MAN2C1: variants seen among roughly 807,000 people sequenced by gnomAD.
MAN2C1 encodes alpha-mannosidase 2C1.
Under a neutral mutation model 126.9 loss-of-function variants are expected in MAN2C1, and 111 were observed. The observed-to-expected ratio is 0.87, with a 90% CI of 0.75 to 1.02. The LOEUF is 1.02. Among genes scored for constraint, MAN2C1 ranks in the 50% least tolerant of loss-of-function variants. The pLI is 0.00. For synonymous variants in MAN2C1, 567 were observed against 561.5 expected (o/e 1.01, Z -0.14); for missense variants, 1,363 against 1,364.4 (o/e 1.00, Z 0.02).
rs1331579430 is a variant in MAN2C1 at position 75,356,479 on chromosome 15, G to A, written c.2738-30C>T. On this transcript the variant is annotated intron_variant, in intron 23 of 25. Transcript: ENST00000267978. This position sits in a 1 kb window ranked among gnomAD's most constrained non-coding sequence, Gnocchi z 5.8. ...GGTACGACCAGGAAACAATGCTGGTGGAGAATGGGGGCTACCCTCCCCTGT... is the reference window on the plus strand; with the variant it reads ...GGTACGACCAGGAAACAATGCTGGTAGAGAATGGGGGCTACCCTCCCCTGT... 4 of 1,576,462 alleles carry A rather than the reference G, an allele frequency of 2.5e-6. No individual in the cohort carries two copies. Among genetic ancestry groups the A allele is most frequent in the African/African-American group, 1.3e-5 (1 of 74,576 alleles).
In MAN2C1 at chr15:75,362,068, C is replaced by A; in HGVS notation, c.1009-121G>T. ...GCTGCTCAAACATGGGAGTTACAGC[C>A]AGAACTCAGGAAGGGCCCCTGTCCT... On this transcript the variant is annotated intron_variant, in intron 8 of 25. Coordinates refer to ENST00000267978, the MANE Select transcript of MAN2C1 (RefSeq NM_006715.4). The surrounding 1 kb of genome is among the most constrained non-coding windows in gnomAD (Gnocchi z 4.5). The A allele has an allele frequency of 1.3e-6, 1 of 798,048 alleles. No individual in the cohort carries two copies. Among genetic ancestry groups the A allele is most frequent in the East Asian group, 2.5e-5 (1 of 39,952 alleles). The allele number at this position is 798,048 out of a possible 1,614,324, so 49.4% of individuals were successfully genotyped here.
Position 75,363,990 on chromosome 15 carries a change from C to G in MAN2C1, c.790+9G>C. On this transcript the variant is annotated intron_variant, in intron 6 of 25. Transcript: ENST00000267978. ...CTTCCCCAGCCAGCCCAACCAGCTGCTGTCCTACCTGTATCAATGTGGCAG... is the reference window on the plus strand; with the variant it reads ...CTTCCCCAGCCAGCCCAACCAGCTGGTGTCCTACCTGTATCAATGTGGCAG... 1 of 1,612,776 alleles carries G rather than the reference C, an allele frequency of 6.2e-7. No individual in the cohort carries two copies. Among genetic ancestry groups the G allele is most frequent in the Non-Finnish European group, 8.5e-7 (1 of 1,179,572 alleles).
chr15:75,359,123 T>C lies in MAN2C1; in HGVS notation c.2077A>G (p.Ile693Val). 6.8e-6 allele frequency: 11 copies of C among 1,614,014 alleles called. No homozygotes were observed. Among genetic ancestry groups the C allele is most frequent in the Non-Finnish European group, 9.3e-6 (11 of 1,180,018 alleles). The change falls in exon 18 of 26, where the codon ATC becomes GTC. Residue 693 changes from isoleucine to valine, a missense_variant. Ile to Val is a conservative substitution (Grantham distance 29, BLOSUM62 3). Coordinates refer to ENST00000267978, the MANE Select transcript of MAN2C1 (RefSeq NM_006715.4). Reference sequence around the variant, plus strand: ...GTTGGGTCCAGCTTCACTCGGATGATGCCATTGTCCAGAGTCACGGAGCCA... The same window carrying C: ...GTTGGGTCCAGCTTCACTCGGATGACGCCATTGTCCAGAGTCACGGAGCCA... ...TDGSVTLDNG[I>V]IRVKLDPTGR...
At chr15:75,360,714 C>T (rs1595876711) in intron 12 of MAN2C1, 26 bp from the exon 13 acceptor site, 32 of 1,610,794 alleles carry the variant, frequency 2.0e-5, no homozygotes, top group Non-Finnish European at 2.6e-5. Context: ...GCCTAGGTCT[C>T]CCAGCCTTGG....
In MAN2C1 at chr15:75,361,619, C is replaced by T; in HGVS notation, c.1203G>A (p.Leu401=). ...GCCTGCTTACTGGGAAGGAGTTCAC[C>T]AAATTCCAGCTCAATTTCTGGGTGA... ...RFLTQKLSWN[L]VNSFPHHTFF... is the part of the protein sequence containing the mutation. The change falls in exon 10 of 26, where the codon TTG becomes TTA. Residue 401 remains leucine, a synonymous_variant. Coordinates refer to ENST00000267978, the MANE Select transcript of MAN2C1 (RefSeq NM_006715.4). This position sits in a 1 kb window ranked among gnomAD's most constrained non-coding sequence, Gnocchi z 5.0. 1 of 1,613,836 alleles carries T rather than the reference C, an allele frequency of 6.2e-7. No homozygotes were observed. The highest frequency in any genetic ancestry group is 8.5e-7 in the Non-Finnish European group (1 of 1,179,888).
chr15:75,363,934 G>T, intron 6 of MAN2C1, 65 bp downstream of exon 6: 1 of 1,558,164 alleles, frequency 6.4e-7, no homozygotes, highest in South Asian at 1.1e-5. Context: ...AGTGCTTCTA[G>T]GGCACATCCA....
intron 21 of MAN2C1, among the ~76,000 whole-genome samples, chr15:75,357,529 G>A (rs1314149188): frequency 6.6e-6 from 1 of 151,840 alleles, no homozygotes; most frequent in East Asian, 1.9e-4. Flanking sequence ...TGATGGTCTC[G>A]ATCTCTTGAC....
In MAN2C1 at chr15:75,356,641, C is replaced by T. The variant is rs756198744; in HGVS notation, c.2702G>A (p.Arg901His). 3.0e-5 allele frequency: 47 copies of T among 1,570,778 alleles called. No individual in the cohort carries two copies. The highest frequency in any genetic ancestry group is 2.6e-4 in the East Asian group (11 of 42,600). ...KAPDATADTG[R>H]HEFTYALMPH... is the part of the protein sequence containing the mutation. ...CATCAGTGCATAGGTGAACTCGTGG[C>T]GCCCCGTGTCAGCAGTAGCGTCCGG... The change falls in exon 23 of 26, where the codon CGC becomes CAC. Residue 901 changes from arginine to histidine, a missense_variant. This residue lies in a region of MAN2C1 where 668 missense variants were observed against 650.1 expected (regional missense o/e 1.03). Coordinates refer to ENST00000267978, the MANE Select transcript of MAN2C1 (RefSeq NM_006715.4). The surrounding 1 kb of genome is among the most constrained non-coding windows in gnomAD (Gnocchi z 5.8).
At position 75,358,540 on chromosome 15, in the gene MAN2C1, T is replaced by C; in HGVS notation, c.2325A>G (p.Leu775=). 1 of 1,613,466 alleles carries C rather than the reference T, an allele frequency of 6.2e-7. No individual in the cohort carries two copies. The highest frequency in any genetic ancestry group is 8.5e-7 in the Non-Finnish European group (1 of 1,180,022). Residue 775 remains leucine (L), a synonymous_variant, in exon 20 of 26, where the codon CTA becomes CTG. Transcript: ENST00000267978. ...TAAGCCGACTGTTGGGGCTGATCTG[T>C]AGCAAGAACCAGGCGCTGCCCCGCA... The part of the protein sequence containing the change: ...GGLRGSAWFL[L]QISPNSRLSQ...
rs375023962 is a variant in MAN2C1 at position 75,365,444 on chromosome 15, G to A, written c.423-779C>T. Among the ~76,000 whole-genome samples the A allele has an allele frequency of 5.9e-5, 9 of 152,276 alleles. No individual in the cohort carries two copies. The East Asian group carries it at 1.5e-3, about 26-fold the overall frequency. On this transcript the variant is annotated intron_variant, in intron 4 of 25. Transcript: ENST00000267978. ...ACTAGTAAAAACTATACCGGGATGA[G>A]CCGGGCACGGTGGCTCATTCCTGTA...
Position 75,362,140 on chromosome 15 carries a change from C to T in MAN2C1, c.1009-193G>A. 1.5e-6 allele frequency: 1 copy of T among 659,466 alleles called. No homozygotes were observed. The highest frequency in any genetic ancestry group is 1.8e-5 in the South Asian group (1 of 55,158). 40.9% of individuals were successfully genotyped at this position (659,466 alleles called of 1,614,324 possible). A position where few individuals can be genotyped will look rare whatever the true frequency, so the allele number is the denominator to read the frequency against. On this transcript the variant is annotated intron_variant, in intron 8 of 25. Coordinates refer to ENST00000267978, the MANE Select transcript of MAN2C1 (RefSeq NM_006715.4). This position sits in a 1 kb window ranked among gnomAD's most constrained non-coding sequence, Gnocchi z 4.5. Reference sequence around the variant, plus strand: ...CCTGAGGGGGTGCCCAGGACTAGGCCATGCAACTTGTCACAGCGCTGGAGG... The same window carrying T: ...CCTGAGGGGGTGCCCAGGACTAGGCTATGCAACTTGTCACAGCGCTGGAGG...
At position 75,356,207 on chromosome 15, in the gene MAN2C1, G is replaced by T; in HGVS notation, c.2899C>A (p.Pro967Thr). 1.2e-6 allele frequency: 2 copies of T among 1,613,278 alleles called. No individual in the cohort carries two copies. Among genetic ancestry groups the T allele is most frequent in the South Asian group, 2.2e-5 (2 of 91,054 alleles). ...LETVKQAESS[P>T]QRRSLVLRLY... is the part of the protein sequence containing the mutation. Reference sequence around the variant, plus strand: ...CTCAGGACCAGCGAGCGGCGCTGGGGGCTGCTCTCCGCCTGCAGAGGAACA... The same window carrying T: ...CTCAGGACCAGCGAGCGGCGCTGGGTGCTGCTCTCCGCCTGCAGAGGAACA... Residue 967 changes from proline (P) to threonine (T), a missense_variant, in exon 25 of 26, where the codon CCC (proline) becomes ACC (threonine). Physicochemically the swap from Pro to Thr is conservative, Grantham distance 38. This residue lies in a region of MAN2C1 where 668 missense variants were observed against 650.1 expected (regional missense o/e 1.03). Transcript: ENST00000267978. This position sits in a 1 kb window ranked among gnomAD's most constrained non-coding sequence, Gnocchi z 5.8.
Position 75,359,904 on chromosome 15 carries a change from T to C in MAN2C1, c.1791A>G (p.Glu597=). The change falls in exon 15 of 26, where the codon GAA becomes GAG. Residue 597 remains glutamate (E), a splice_region_variant and synonymous_variant. Coordinates refer to ENST00000267978, the MANE Select transcript of MAN2C1 (RefSeq NM_006715.4). ...MVAEEAMCHY[E]DIRSHGNTLL... ...AGGCAGGACTATTGTGAGCCTAACC[T>C]TCATAATGGCACATGGCTTCCTCTG... is the stretch of plus-strand genomic sequence containing the variant. 6.2e-7 allele frequency: 1 copy of C among 1,612,304 alleles called. No homozygotes were observed.
In MAN2C1 at chr15:75,368,126, C is replaced by T; in HGVS notation, c.174G>A (p.Glu58=). 3 of 1,606,778 alleles carry T rather than the reference C, an allele frequency of 1.9e-6. No individual in the cohort carries two copies. The highest frequency in any genetic ancestry group is 1.7e-5 in the Admixed American group (1 of 59,390). The change falls in exon 2 of 26, where the codon GAG becomes GAA. Residue 58 remains glutamate, a synonymous_variant. Coordinates refer to ENST00000267978, the MANE Select transcript of MAN2C1 (RefSeq NM_006715.4). ...CGGGGCGGAAGTCCCGCTGGACTGC[C>T]TCCTGGTAGGGAAGTCTCTCCGGCG... ...FLTPERLPYQ[E]AVQRDFRPAQ...
In MAN2C1 at chr15:75,361,334, GACCAGTACA is replaced by G; in HGVS notation, c.1257_1265del (p.Val420_Val422del). The G allele has an allele frequency of 6.4e-7, 1 of 1,568,314 alleles. No homozygotes were observed. Among genetic ancestry groups the G allele is most frequent in the East Asian group, 2.3e-5 (1 of 42,696 alleles). On this transcript the variant is annotated inframe_deletion, in exon 11 of 26. Coordinates refer to ENST00000267978, the MANE Select transcript of MAN2C1 (RefSeq NM_006715.4). This position sits in a 1 kb window ranked among gnomAD's most constrained non-coding sequence, Gnocchi z 5.0. ...CATAGGAGTCGCCAGGTGGGAAGTG[GACCAGTACA>G]CGGGAGCCATCCAGGCCCTCCCAGA...
In MAN2C1 at chr15:75,363,996, T is replaced by A; in HGVS notation, c.790+3A>T. The A allele has an allele frequency of 6.2e-7, 1 of 1,613,982 alleles. No individual in the cohort carries two copies. The highest frequency in any genetic ancestry group is 8.5e-7 in the Non-Finnish European group (1 of 1,179,952). On this transcript the variant is annotated splice_donor_region_variant and intron_variant, in intron 6 of 25. Coordinates refer to ENST00000267978, the MANE Select transcript of MAN2C1 (RefSeq NM_006715.4). Reference sequence around the variant, plus strand: ...CAGCCAGCCCAACCAGCTGCTGTCCTACCTGTATCAATGTGGCAGTGCCCT... The same window carrying A: ...CAGCCAGCCCAACCAGCTGCTGTCCAACCTGTATCAATGTGGCAGTGCCCT...
Position 75,359,158 on chromosome 15 carries a change from G to C in MAN2C1, c.2047-5C>G, listed in dbSNP as rs769994039. On this transcript the variant is annotated splice_polypyrimidine_tract_variant and splice_region_variant and intron_variant, in intron 17 of 25. Transcript: ENST00000267978. ...CAGAGTCACGGAGCCATCAGTCTTT[G>C]TGGGAGGAGGCCTTGAGGCTGAGTC... is the stretch of plus-strand genomic sequence containing the variant. 6.2e-7 allele frequency: 1 copy of C among 1,613,750 alleles called. No individual in the cohort carries two copies.
In MAN2C1 at chr15:75,361,295, G is replaced by A. The variant is rs375746321; in HGVS notation, c.1305C>T (p.Ser435=). 6.4e-6 allele frequency: 10 copies of A among 1,570,574 alleles called. No homozygotes were observed. The highest frequency in any genetic ancestry group is 1.7e-4 in the Middle Eastern group (1 of 6,046). Residue 435 remains serine (S), a synonymous_variant, in exon 11 of 26, where the codon AGC becomes AGT. Transcript: ENST00000267978. The surrounding 1 kb of genome is among the most constrained non-coding windows in gnomAD (Gnocchi z 5.0). ...PPGDSYGMQG[S]VEEVLKTVAN... ...CTAGGTGACCCCTCACCTCCTCCAC[G>A]CTGCCCTGCATCCCATAGGAGTCGC... is the stretch of plus-strand genomic sequence containing the variant.
chr15:75,357,472 A>T (rs2072353996), intron 21 of MAN2C1: 1 of 155,158 alleles, frequency 6.4e-6, no homozygotes, highest in South Asian at 2.0e-4. Flanking sequence ...ACGCCTGGCT[A>T]ATTTTTCTGT....
Sources: gnomAD v4.1 joint callset for allele counts (sites outside exome capture counted in the v4.1 genomes callset) on GRCh38, gnomAD v4.1.1 for gene constraint, gnomAD v4.1.1 regional missense constraint, Gnocchi (gnomAD v3.1) non-coding constraint, MANE v1.5 for transcripts, NCBI Gene and HGNC (gene_info 2026-07-23, HGNC 2026-07-21) for gene names.